Variants in MATN2 observed in about 807,000 individuals in gnomAD.
MATN2 encodes the protein matrilin-2.
Under a neutral mutation model 103.2 loss-of-function variants are expected in MATN2, and 69 were observed. The observed-to-expected ratio is 0.67, with a 90% confidence interval of 0.55 to 0.82. The LOEUF (loss-of-function observed/expected upper bound fraction) is 0.82, where lower values mean the gene tolerates loss of function less well. MATN2 is among the 40% of genes least tolerant of loss of function. The pLI is 0.00. For synonymous variants in MATN2, 429 were observed against 450.2 expected, an observed-to-expected ratio of 0.95 and a Z score of 0.60; for missense variants, 1,023 against 1,211.5, an observed-to-expected ratio of 0.84 and a Z score of 2.31.
intron 5 of MATN2, among the ~76,000 whole-genome samples, chr8:97,972,318 G>A (rs6980810): frequency 0.093 from 13,227 of 142,610 alleles, 844 homozygotes; most frequent in Admixed American, 0.2. Context: ...GAGCCTGGGC[G>A]ACAGAATGAG....
At chr8:97,963,535 T>C (rs868580649) in intron 5 of MATN2, among the ~76,000 whole-genome samples, 3 of 152,206 alleles carry the variant, frequency 2.0e-5, no homozygotes, top group Admixed American at 6.5e-5. Context: ...GATTTTGCTG[T>C]AACTTTTGGG....
chr8:98,007,233 T>C lies in MATN2; in HGVS notation c.1450+6T>C. On this transcript the variant is annotated splice_donor_region_variant and intron_variant, in intron 9 of 18. Transcript: ENST00000254898. The surrounding 1 kb of genome is among the most constrained non-coding windows in gnomAD (Gnocchi z 4.2). The stretch of plus-strand genomic sequence containing the variant: ...GGACCTCAAGACCTGCTCCCGTGAG[T>C]CCCTCCGCGCTCCTCTCATAGGGGA... 1.9e-6 allele frequency: 3 copies of C among 1,613,632 alleles called. No individual in the cohort carries two copies. The highest frequency in any genetic ancestry group is 2.2e-5 in the East Asian group (1 of 44,868).
At chr8:97,872,395 G>A (rs956588796) in intron 1 of MATN2, among the ~76,000 whole-genome samples, 2 of 152,160 alleles carry the variant, frequency 1.3e-5, no homozygotes, top group African/African-American at 4.8e-5. Context: ...TGCCCATGGG[G>A]ATACCCTGTA....
intron 5 of MATN2, among the ~76,000 whole-genome samples, chr8:97,977,892 C>A (rs1811891836): frequency 1.3e-5 from 2 of 152,264 alleles, no homozygotes; most frequent in South Asian, 4.1e-4. Context: ...TTAGTCAACA[C>A]TCTTCCTAAC....
At chr8:98,024,442 C>G (rs35417638) in intron 13 of MATN2, among the ~76,000 whole-genome samples, 25,933 of 152,114 alleles carry the variant, frequency 0.17, 2,345 homozygotes, top group African/African-American at 0.23. Context: ...GAGGTGGAGG[C>G]AGCAGTGAGC....
intron 1 of MATN2, among the ~76,000 whole-genome samples, chr8:97,871,614 A>G (rs1817902981): frequency 6.6e-6 from 1 of 152,186 alleles, no homozygotes; most frequent in African/African-American, 2.4e-5. Context: ...AGGGCCAGGG[A>G]AAGAGGGAGG....
intron 13 of MATN2, 27 bp downstream of exon 13, chr8:98,021,354 CTTTAAT>C: frequency 6.2e-7 from 1 of 1,604,646 alleles, no homozygotes; most frequent in Non-Finnish European, 8.5e-7. Context: ...TGGCTCTCTG[CTTTAAT>C]TTTGTTTTGG....
intron 4 of MATN2, among the ~76,000 whole-genome samples, chr8:97,953,335 C>T (rs1811024269): frequency 6.6e-6 from 1 of 152,188 alleles, no homozygotes; most frequent in Non-Finnish European, 1.5e-5. Context: ...TCTTTTCCCC[C>T]TTGATTTAGG....
intron 2 of MATN2, among the ~76,000 whole-genome samples, chr8:97,923,365 C>G (rs985492364): frequency 1.3e-5 from 2 of 152,046 alleles, no homozygotes; most frequent in African/African-American, 4.8e-5. Context: ...CTGGTTATTC[C>G]TAGTTCTAAG....
intron 10 of MATN2, among the ~76,000 whole-genome samples, chr8:98,009,322 T>C (rs1436045612): frequency 6.6e-6 from 1 of 152,172 alleles, no homozygotes; most frequent in African/African-American, 2.4e-5. Context: ...CACAGCTAAC[T>C]GGGGGTTGGG....
intron 2 of MATN2, among the ~76,000 whole-genome samples, chr8:97,904,939 A>C (rs532388980): frequency 4.7e-4 from 72 of 152,312 alleles, no homozygotes; most frequent in African/African-American, 1.5e-3. Flanking sequence ...CCCTTCTATT[A>C]TGATTGCAAG....
At chr8:97,932,906 G>A (rs551236378) in intron 3 of MATN2, among the ~76,000 whole-genome samples, 1 of 152,100 alleles carries the variant, frequency 6.6e-6, no homozygotes, top group East Asian at 1.9e-4. Context: ...TATCTTCCTA[G>A]AGCAGAGTGG....
At chr8:97,945,366 C>T (rs1810711310) in intron 4 of MATN2, among the ~76,000 whole-genome samples, 2 of 152,136 alleles carry the variant, frequency 1.3e-5, no homozygotes, top group South Asian at 4.1e-4. Flanking sequence ...ACGATTTACC[C>T]AAGCTCACAT....
At chr8:97,971,469 T>C (rs1811652899) in intron 5 of MATN2, among the ~76,000 whole-genome samples, 1 of 152,118 alleles carries the variant, frequency 6.6e-6, no homozygotes, top group African/African-American at 2.4e-5. Flanking sequence ...CCATTGAGAG[T>C]CCTGAATTTA....
intron 18 of MATN2, chr8:98,034,451 A>G (rs1028744113): frequency 1.1e-5 from 3 of 272,994 alleles, no homozygotes; most frequent in African/African-American, 4.3e-5. Flanking sequence ...GGCTTATGTA[A>G]TAAGGAACAA....
chr8:97,905,083 G>C (rs1191140411), intron 2 of MATN2, among the ~76,000 whole-genome samples: 1 of 152,148 alleles, frequency 6.6e-6, no homozygotes, highest in Non-Finnish European at 1.5e-5. Flanking sequence ...ACACTAGTTA[G>C]TAGACCCGCC....
intron 1 of MATN2, among the ~76,000 whole-genome samples, chr8:97,875,814 G>A (rs1818050465): frequency 6.9e-6 from 1 of 145,222 alleles, no homozygotes; most frequent in Admixed American, 7.2e-5. Context: ...TCCTGCCTCA[G>A]CCTCCTGAGT....
Position 97,869,295 on chromosome 8 carries a change from C to G in MATN2, c.-27+8C>G, listed in dbSNP as rs1471183467. The G allele has an allele frequency of 2.0e-5, 3 of 152,232 alleles. No individual in the cohort carries two copies. Among genetic ancestry groups the G allele is most frequent in the Non-Finnish European group, 4.4e-5 (3 of 68,044 alleles). The allele number at this position is 152,232 out of a possible 1,614,324, so 9.4% of individuals were successfully genotyped here. A position where few individuals can be genotyped will look rare whatever the true frequency, so the allele number is the denominator to read the frequency against. The stretch of plus-strand genomic sequence containing the variant: ...AGGCGCCGGCGGCTGCAGGTGAGCG[C>G]GGCGCGCTTTCCCCCGGCTCTGCGC... On this transcript the variant is annotated splice_region_variant and intron_variant, in intron 1 of 18. Transcript: ENST00000254898.
chr8:97,941,263 T>C (rs939347516), intron 3 of MATN2, among the ~76,000 whole-genome samples: 3 of 151,434 alleles, frequency 2.0e-5, no homozygotes, highest in Admixed American at 6.6e-5. Flanking sequence ...AACGTGTGAG[T>C]GCATTTTTTA....
Sources: gnomAD v4.1 joint callset for allele counts (sites outside exome capture counted in the v4.1 genomes callset) on GRCh38, gnomAD v4.1.1 for gene constraint, Gnocchi (gnomAD v3.1) non-coding constraint, MANE v1.5 for transcripts, NCBI Gene and HGNC (gene_info 2026-07-23, HGNC 2026-07-21) for gene names.